The following AIG1 variants were observed in gnomAD, a reference collection of about 807,000 sequenced individuals.
The protein encoded by AIG1 is androgen induced 1.
In AIG1, 23 loss-of-function variants were observed where a neutral mutation model predicts 31.4. The ratio of observed to expected loss-of-function variants is 0.73; its 90% CI spans 0.53 to 1.04. The LOEUF is 1.04. Among genes scored for constraint, AIG1 ranks in the 50% least tolerant of loss-of-function variants. AIG1 has a pLI of 0.00. For synonymous variants in AIG1, 100 were observed against 110.5 expected (o/e 0.90, Z 0.60); for missense variants, 274 against 295.0 (o/e 0.93, Z 0.52).
In AIG1 at chr6:143,326,187, A is replaced by G. The variant is rs1029886833; in HGVS notation, c.516-7095A>G. On this transcript the variant is annotated intron_variant, in intron 4 of 5. Coordinates refer to ENST00000357847, the MANE Select transcript of AIG1 (RefSeq NM_016108.4). This position sits in a 1 kb window ranked among gnomAD's most constrained non-coding sequence, Gnocchi z 4.5. ...AGATTTATTTATTTTCAAAGACTTT[A>G]TATTTGCACACTAGGACGGAGTCTA... 1.3e-4 allele frequency among the ~76,000 whole-genome samples: 20 copies of G among 152,184 alleles called. No homozygotes were observed. Among genetic ancestry groups the G allele is most frequent in the African/African-American group, 4.8e-4 (20 of 41,448 alleles).
At chr6:143,318,887 C>T (rs1474801398) in intron 4 of AIG1, among the ~76,000 whole-genome samples, 2 of 152,104 alleles carry the variant, frequency 1.3e-5, no homozygotes, top group Admixed American at 1.3e-4. Flanking sequence ...TGCTCAACAT[C>T]ACTAATGATC....
At chr6:143,157,449 T>C (rs1239558679) in intron 2 of AIG1, among the ~76,000 whole-genome samples, 1 of 126,720 alleles carries the variant, frequency 7.9e-6, no homozygotes, top group Non-Finnish European at 1.6e-5. Flanking sequence ...TTTTTTTTTT[T>C]CCTTTTTTTT....
chr6:143,278,999 A>T (rs944628585), intron 3 of AIG1, among the ~76,000 whole-genome samples: 2 of 150,230 alleles, frequency 1.3e-5, no homozygotes, highest in African/African-American at 4.9e-5. Context: ...TGAGAACTTT[A>T]AAAAAAAAAT....
intron 3 of AIG1, chr6:143,189,815 A>C (rs190485212): frequency 1.0e-6 from 1 of 979,024 alleles, no homozygotes; most frequent in Admixed American, 6.1e-5. Flanking sequence ...TAAATAAAAA[A>C]GAGATATATC....
chr6:143,335,993 G>C (rs1489984894), intron 5 of AIG1, among the ~76,000 whole-genome samples: 1 of 150,598 alleles, frequency 6.6e-6, no homozygotes, highest in Non-Finnish European at 1.5e-5. Context: ...TTGAGTATCA[G>C]TTATCCACTT....
intron 3 of AIG1, among the ~76,000 whole-genome samples, chr6:143,203,821 T>C (rs927243323): frequency 2.0e-5 from 3 of 152,196 alleles, no homozygotes; most frequent in Non-Finnish European, 2.9e-5. Context: ...AAGACATGGC[T>C]GGATGATTTT....
Position 143,170,657 on chromosome 6 carries a change from T to G in AIG1, c.399+5474T>G, listed in dbSNP as rs76571966. Among the ~76,000 whole-genome samples, 275 of 152,078 alleles carry G rather than the reference T, an allele frequency of 1.8e-3. 5 individuals carry two copies. The East Asian group carries it at 0.029, about 16-fold the overall frequency. ...CAATTCTGTTCTGGTATTTATTATT[T>G]CTTTCCTTCTATTAATTTTAGGTTT... On this transcript the variant is annotated intron_variant, in intron 3 of 5. Transcript: ENST00000357847.
intron 1 of AIG1, among the ~76,000 whole-genome samples, chr6:143,092,890 A>T (rs1562367329): frequency 6.6e-6 from 1 of 152,082 alleles, no homozygotes; most frequent in Non-Finnish European, 1.5e-5. Context: ...TCTCTACTTA[A>T]AATTTAAAAA....
At chr6:143,153,205 A>G (rs1338399932) in intron 2 of AIG1, among the ~76,000 whole-genome samples, 1 of 152,216 alleles carries the variant, frequency 6.6e-6, no homozygotes, top group Non-Finnish European at 1.5e-5. Flanking sequence ...TGTGCGAGGT[A>G]CAAGGCAAGA....
intron 4 of AIG1, among the ~76,000 whole-genome samples, chr6:143,312,497 G>A (rs1775376363): frequency 6.6e-6 from 1 of 151,988 alleles, no homozygotes; most frequent in Non-Finnish European, 1.5e-5. Context: ...GGGAAAACCG[G>A]ATATCCATAT....
chr6:143,125,269 T>C (rs367713053), intron 1 of AIG1, among the ~76,000 whole-genome samples: 1 of 152,178 alleles, frequency 6.6e-6, no homozygotes, highest in Non-Finnish European at 1.5e-5. Flanking sequence ...TGTGCTTAAA[T>C]CTAAATGTCA....
chr6:143,146,819 C>T (rs1290822129), intron 2 of AIG1, among the ~76,000 whole-genome samples: 1 of 152,218 alleles, frequency 6.6e-6, no homozygotes, highest in South Asian at 2.1e-4. Context: ...CATGTGATTA[C>T]CATTCCAATG....
At chr6:143,089,202 A>G (rs890421060) in intron 1 of AIG1, among the ~76,000 whole-genome samples, 4 of 142,168 alleles carry the variant, frequency 2.8e-5, no homozygotes, top group Admixed American at 1.3e-4. Context: ...GAGTGAGACT[A>G]TGTCTCAAAA....
At chr6:143,239,155 A>G (rs1794031873) in intron 3 of AIG1, among the ~76,000 whole-genome samples, 1 of 152,152 alleles carries the variant, frequency 6.6e-6, no homozygotes, top group Non-Finnish European at 1.5e-5. Flanking sequence ...CTGGGGAGAG[A>G]CTGGCAACAC....
chr6:143,162,752 A>G (rs1186756712), intron 2 of AIG1, among the ~76,000 whole-genome samples: 4 of 152,176 alleles, frequency 2.6e-5, no homozygotes, highest in Admixed American at 6.5e-5. Flanking sequence ...CCCTCAGGTT[A>G]AGGCAAACAC....
rs1798556988 is a variant in AIG1 at position 143,298,019 on chromosome 6, T to A, written c.515+13794T>A. On this transcript the variant is annotated intron_variant, in intron 4 of 5. Coordinates refer to ENST00000357847, the MANE Select transcript of AIG1 (RefSeq NM_016108.4). The surrounding 1 kb of genome is among the most constrained non-coding windows in gnomAD (Gnocchi z 5.1). ...ATAAATTTACAGGTAAAAATACAAA[T>A]CATTTTGCAACTAGAATGAGTAATT... Among the ~76,000 whole-genome samples the A allele has an allele frequency of 6.6e-6, 1 of 151,912 alleles. No individual in the cohort carries two copies.
intron 1 of AIG1, among the ~76,000 whole-genome samples, chr6:143,072,571 A>G (rs1275476016): frequency 1.3e-5 from 2 of 151,866 alleles, no homozygotes; most frequent in Non-Finnish European, 2.9e-5. Flanking sequence ...ATGATGTTAG[A>G]TATAGATTTT....
intron 3 of AIG1, among the ~76,000 whole-genome samples, chr6:143,165,724 A>G (rs1786864636): frequency 6.6e-6 from 1 of 152,176 alleles, no homozygotes; most frequent in Non-Finnish European, 1.5e-5. Context: ...TTCCCAAGTT[A>G]GGGTGTTCGC....
At chr6:143,307,119 T>C (rs1462452063) in intron 4 of AIG1, among the ~76,000 whole-genome samples, 1 of 152,182 alleles carries the variant, frequency 6.6e-6, no homozygotes, top group Non-Finnish European at 1.5e-5. Context: ...TTTTTCAAAG[T>C]TTTCAACTTC....
Sources: allele counts gnomAD v4.1 joint callset (sites outside exome capture counted in the v4.1 genomes callset), GRCh38; gene constraint gnomAD v4.1.1; non-coding constraint Gnocchi (gnomAD v3.1); transcripts MANE v1.5; gene names NCBI Gene and HGNC (gene_info 2026-07-23, HGNC 2026-07-21).